The following PARP10 variants were observed in gnomAD, a reference collection of about 807,000 sequenced individuals.
PARP10 encodes the protein protein mono-ADP-ribosyltransferase PARP10.
A neutral mutation model predicts 82.4 loss-of-function variants in PARP10; 56 were observed. The observed-to-expected ratio is 0.68, with a 90% CI of 0.55 to 0.85. The LOEUF is 0.85. Ranked by LOEUF, PARP10 falls within the 40% of genes least tolerant of loss-of-function variation. PARP10 has a pLI of 0.00. For missense variants in PARP10, 1,227 were observed against 1,379.4 expected, an observed-to-expected ratio of 0.89 and a Z score of 1.75; for synonymous variants, 576 against 601.1, an observed-to-expected ratio of 0.96 and a Z score of 0.61.
upstream of PARP10, among the ~76,000 whole-genome samples, chr8:143,993,940 C>T (rs981594440): frequency 2.0e-5 from 3 of 152,228 alleles, no homozygotes; most frequent in African/African-American, 4.8e-5. Flanking sequence ...GCCCCTTGGC[C>T]TGCCCAGGCC....
chr8:144,001,248 A>G (rs1027485131), intron 1 of PARP10, among the ~76,000 whole-genome samples: 2 of 148,842 alleles, frequency 1.3e-5, no homozygotes, highest in African/African-American at 5.0e-5. Context: ...GTCTCACTCT[A>G]TTGCCCAGGC....
At chr8:144,007,879 G>A (rs1554752184) in intron 1 of PARP10, among the ~76,000 whole-genome samples, 1 of 152,214 alleles carries the variant, frequency 6.6e-6, no homozygotes, top group African/African-American at 2.4e-5. Flanking sequence ...CCTGCTGGAT[G>A]GGGTACTACC....
Position 143,983,048 on chromosome 8 carries a change from T to G in PARP10, c.2440A>C (p.Lys814Gln). 1.2e-6 allele frequency: 2 copies of G among 1,613,510 alleles called. No individual in the cohort carries two copies. The highest frequency in any genetic ancestry group is 2.2e-5 in the South Asian group (2 of 91,080). ...CGCTCCAGGTTGTTCCAGGGCCCCT[T>G]CAGCGTCTGCCCCGCCACTGATGCA... ...SGPTLAGQTLKGPWNNLERLA... is the reference protein window; with the variant it reads ...SGPTLAGQTLQGPWNNLERLA... Residue 814 changes from lysine (K) to glutamine (Q), a missense_variant, in exon 9 of 11, where the codon AAG becomes CAG. Transcript: ENST00000313028.
chr8:143,978,398 A>C (rs1833767751), intron 9 of PARP10, among the ~76,000 whole-genome samples: 1 of 151,930 alleles, frequency 6.6e-6, no homozygotes, highest in Non-Finnish European at 1.5e-5. Flanking sequence ...ACAGGACTTG[A>C]CTCCAACACG....
chr8:143,999,192 A>AC (rs1186694947), intron 1 of PARP10, among the ~76,000 whole-genome samples: 1 of 151,704 alleles, frequency 6.6e-6, no homozygotes, highest in Non-Finnish European at 1.5e-5. Context: ...GGCGCTCACT[A>AC]CCACACCTGG....
chr8:143,991,588 G>A (rs1246770082), upstream of PARP10: 4 of 1,603,868 alleles, frequency 2.5e-6, no homozygotes, highest in Non-Finnish European at 3.4e-6. Flanking sequence ...GTCTTCCCAG[G>A]ACAAGACCCT....
chr8:143,992,131 C>T (rs756808596), upstream of PARP10: 49 of 1,599,514 alleles, frequency 3.1e-5, no homozygotes, highest in Admixed American at 1.3e-4. Flanking sequence ...CAGTCCCACA[C>T]GCCCACTCTT....
At chr8:144,003,177 C>T (rs61551549) in intron 1 of PARP10, among the ~76,000 whole-genome samples, 2 of 152,076 alleles carry the variant, frequency 1.3e-5, no homozygotes, top group African/African-American at 2.4e-5. Context: ...AATTCCAGCA[C>T]TTTGGGAGGC....
chr8:143,984,945 G>A lies in PARP10; in HGVS notation c.1057C>T (p.Pro353Ser). Reference sequence around the variant, plus strand: ...CCCTCATGTTCCAGAGACCCCATGGGCATCGAGCTGACTTGCTCTGCCTGT... The same window carrying A: ...CCCTCATGTTCCAGAGACCCCATGGACATCGAGCTGACTTGCTCTGCCTGT... ...LGQAEQVSSM[P>S]MGSLEHEGLV... Residue 353 changes from proline to serine, a missense_variant, in exon 5 of 11, where the codon CCC (proline) becomes TCC (serine). Physicochemically the swap from Pro to Ser is moderately conservative, Grantham distance 74 (BLOSUM62 -1). Coordinates refer to ENST00000313028, the MANE Select transcript of PARP10 (RefSeq NM_032789.5). 1 of 1,613,888 alleles carries A rather than the reference G, an allele frequency of 6.2e-7. No homozygotes were observed. The highest frequency in any genetic ancestry group is 8.5e-7 in the Non-Finnish European group (1 of 1,179,990).
chr8:143,986,753 A>C, upstream of PARP10: 8 of 318,366 alleles, frequency 2.5e-5, no homozygotes, highest in South Asian at 1.2e-4. Flanking sequence ...CACTAAACCC[A>C]CCAAGGGGCC....
chr8:143,993,231 C>T (rs565114785), upstream of PARP10: 8 of 254,240 alleles, frequency 3.1e-5, no homozygotes, highest in South Asian at 4.8e-5. Context: ...CCCAGCCTGG[C>T]GTAGAGCACC....
intron 1 of PARP10, among the ~76,000 whole-genome samples, chr8:144,001,224 AT>A (rs1834200499): frequency 7.2e-6 from 1 of 139,658 alleles, no homozygotes. Context: ...TCTAGTTTTT[AT>A]TTTTTAGACA....
In PARP10 at chr8:143,984,242, C is replaced by A. The variant is rs782142308; in HGVS notation, c.1648G>T (p.Ala550Ser). Residue 550 changes from alanine to serine, a missense_variant, in exon 6 of 11, where the codon GCC becomes TCC. Ala to Ser is a moderately conservative substitution (Grantham distance 99). Transcript: ENST00000313028. Reference protein sequence around the residue: ...FQCVFGTERLATATLDTGLEE... With the variant: ...FQCVFGTERLSTATLDTGLEE... The stretch of plus-strand genomic sequence containing the variant: ...AGGCCTGTGTCCAACGTGGCTGTGG[C>A]CAGGCGCTCTGTCCCAAAGACACAC... 1 of 1,613,812 alleles carries A rather than the reference C, an allele frequency of 6.2e-7. No homozygotes were observed. Among genetic ancestry groups the A allele is most frequent in the Non-Finnish European group, 8.5e-7 (1 of 1,179,894 alleles).
Position 143,983,018 on chromosome 8 carries a change from C to T in PARP10, c.2470G>A (p.Ala824Thr). 1.9e-6 allele frequency: 3 copies of T among 1,613,922 alleles called. No homozygotes were observed. The highest frequency in any genetic ancestry group is 2.5e-6 in the Non-Finnish European group (3 of 1,180,020). The change falls in exon 9 of 11, where the codon GCA becomes ACA. Residue 824 changes from alanine (A) to threonine (T), a missense_variant. Physicochemically the swap from Ala to Thr is moderately conservative, Grantham distance 58 (BLOSUM62 0). Coordinates refer to ENST00000313028, the MANE Select transcript of PARP10 (RefSeq NM_032789.5). ...KGPWNNLERL[A>T]ENTGEFQEVV... ...TCCTGGAACTCCCCGGTGTTCTCTG[C>T]CAGACGCTCCAGGTTGTTCCAGGGC...
chr8:143,992,119 T>C (rs116467837), upstream of PARP10: 2,395 of 1,604,328 alleles, frequency 1.5e-3, 27 homozygotes, highest in African/African-American at 0.027. Flanking sequence ...GGTCCGGCCA[T>C]GCAGTCCCAC....
At chr8:143,986,461 G>A (rs1833993972), upstream of PARP10, 1 of 1,589,800 alleles carries the variant, frequency 6.3e-7, no homozygotes, top group African/African-American at 1.3e-5. Flanking sequence ...AAACAAAAGT[G>A]AAACTGAAAG....
Position 143,984,127 on chromosome 8 carries a change from C to T in PARP10, c.1681-23G>A, listed in dbSNP as rs781967998. 8.3e-6 allele frequency: 13 copies of T among 1,562,890 alleles called. No individual in the cohort carries two copies. In the East Asian group the frequency reaches 2.7e-4, roughly 33 times the overall value. ...CACCTGTAGGGAGAGGATGTCAGGA[C>T]CACTAGCCTCTGGGCAAGGGCAGAG... On this transcript the variant is annotated intron_variant, in intron 6 of 10. Transcript: ENST00000313028.
Position 143,986,443 on chromosome 8 carries a change from G to A in PARP10, c.-84C>T. 1 of 1,608,662 alleles carries A rather than the reference G, an allele frequency of 6.2e-7. No individual in the cohort carries two copies. The highest frequency in any genetic ancestry group is 8.5e-7 in the Non-Finnish European group (1 of 1,175,640). On this transcript the variant is annotated 5_prime_UTR_variant, in exon 1 of 11. Coordinates refer to ENST00000313028, the MANE Select transcript of PARP10 (RefSeq NM_032789.5). ...CCCTCAGCAAGCCTAACCCTGCTGG[G>A]AGCAGGAAAACAAAAGTGAAACTGA...
At chr8:143,992,166 CT>C (rs1197961780), upstream of PARP10, 58 of 1,602,362 alleles carry the variant, frequency 3.6e-5, no homozygotes, top group Non-Finnish European at 4.9e-5. Context: ...CGTGGTTCTC[CT>C]TGTGCTCATG....
Sources: gnomAD v4.1 joint callset for allele counts (sites outside exome capture counted in the v4.1 genomes callset) on GRCh38, gnomAD v4.1.1 for gene constraint, MANE v1.5 for transcripts, NCBI Gene and HGNC (gene_info 2026-07-23, HGNC 2026-07-21) for gene names.